CFAP44: variants seen among roughly 807,000 people sequenced by gnomAD.
The protein encoded by CFAP44 is cilia and flagella associated protein 44, also known as cilia- and flagella-associated protein 44.
A neutral mutation model predicts 216.2 loss-of-function variants in CFAP44; 134 were observed. The observed-to-expected ratio is 0.62, with a 90% CI of 0.54 to 0.72. The LOEUF (loss-of-function observed/expected upper bound fraction) is 0.72, where lower values mean the gene tolerates loss of function less well. Ranked by LOEUF, CFAP44 falls within the 30% of genes least tolerant of loss-of-function variation. The probability of loss-of-function intolerance (pLI) is 0.00; values close to 1 mark genes in which losing one functional copy is unlikely to be tolerated. For missense variants in CFAP44, 2,035 were observed against 2,182.1 expected (o/e 0.93, Z 1.34); for synonymous variants, 700 against 727.6 (o/e 0.96, Z 0.61).
At chr3:113,322,303 T>C (rs1400817674) in intron 28 of CFAP44, among the ~76,000 whole-genome samples, 4 of 152,154 alleles carry the variant, frequency 2.6e-5, no homozygotes, top group African/African-American at 9.6e-5. Flanking sequence ...GGTGTTGGGA[T>C]AACTGGCTAG....
intron 24 of CFAP44, among the ~76,000 whole-genome samples, chr3:113,340,713 GCT>G (rs1447637024): frequency 1.3e-5 from 2 of 152,350 alleles, no homozygotes; most frequent in Admixed American, 1.3e-4. Context: ...CTTACAGGAT[GCT>G]CTCTTAGCTT....
At chr3:113,391,406 G>A (rs1028762389) in intron 15 of CFAP44, among the ~76,000 whole-genome samples, 1 of 151,962 alleles carries the variant, frequency 6.6e-6, no homozygotes, top group African/African-American at 2.4e-5. Context: ...AAAACATTGG[G>A]GAAACTCTCC....
rs191909418 is a variant in CFAP44 at position 113,343,474 on chromosome 3, T to A, written c.3262+1042A>T. On this transcript the variant is annotated intron_variant, in intron 23 of 34. Coordinates refer to ENST00000393845, the MANE Select transcript of CFAP44 (RefSeq NM_001164496.2). ...AGTTATAAATAACCATTTCATCATATTTCATATTTCAAATTTCAAATATAT... is the reference window on the plus strand; with the variant it reads ...AGTTATAAATAACCATTTCATCATAATTCATATTTCAAATTTCAAATATAT... Among the ~76,000 whole-genome samples the A allele has an allele frequency of 2.0e-3, 304 of 152,320 alleles. 2 individuals carry two copies. Among genetic ancestry groups the A allele is most frequent in the African/African-American group, 7.1e-3 (294 of 41,572 alleles).
intron 28 of CFAP44, among the ~76,000 whole-genome samples, chr3:113,326,201 T>C (rs995370411): frequency 6.6e-6 from 1 of 152,210 alleles, no homozygotes; most frequent in Non-Finnish European, 1.5e-5. Context: ...TAAACTACAC[T>C]ATGCTCACTC....
At chr3:113,312,361 G>GT (rs1950048326) in intron 28 of CFAP44, among the ~76,000 whole-genome samples, 1 of 151,508 alleles carries the variant, frequency 6.6e-6, no homozygotes. Context: ...GGGATTACAG[G>GT]TATGAGCCAC....
At chr3:113,356,509 G>A (rs994169028) in intron 22 of CFAP44, among the ~76,000 whole-genome samples, 20 of 152,162 alleles carry the variant, frequency 1.3e-4, no homozygotes, top group African/African-American at 2.2e-4. Flanking sequence ...ATAGGCCAAT[G>A]AGATAGAATA....
chr3:113,308,308 A>G, intron 28 of CFAP44, 40 bp from the exon 29 acceptor site: 1 of 1,414,266 alleles, frequency 7.1e-7, no homozygotes, highest in Non-Finnish European at 9.4e-7. Context: ...AGAAGCTTCT[A>G]TATTAAACTA....
At chr3:113,379,027 G>A (rs1441095898) in intron 17 of CFAP44, among the ~76,000 whole-genome samples, 1 of 152,016 alleles carries the variant, frequency 6.6e-6, no homozygotes, top group African/African-American at 2.4e-5. Flanking sequence ...ATGTATGATT[G>A]ACAAGCAGAT....
In CFAP44 at chr3:113,363,254, C is replaced by T. The variant is rs764605360; in HGVS notation, c.2825G>A (p.Gly942Glu). ...CTCTCTCTTCCGTGCCTTTATTTCT[C>T]CCACTTCTTTCATTAACTTGTCATG... ...REHDKLMKEV[G>E]EIKARKREQI... Residue 942 changes from glycine to glutamate, a missense_variant, in exon 21 of 35, where the codon GGA (glycine) becomes GAA (glutamate). This residue lies in a region of CFAP44 where 1,883 missense variants were observed against 2,023.7 expected (regional missense o/e 0.93). Transcript: ENST00000393845. 5.0e-6 allele frequency: 8 copies of T among 1,612,816 alleles called. No homozygotes were observed. Among genetic ancestry groups the T allele is most frequent in the Non-Finnish European group, 5.9e-6 (7 of 1,179,624 alleles).
chr3:113,330,605 C>T lies in CFAP44; in HGVS notation c.3679G>A (p.Val1227Ile). Residue 1227 changes from valine to isoleucine, a missense_variant, in exon 26 of 35, where the codon GTT becomes ATT. Coordinates refer to ENST00000393845, the MANE Select transcript of CFAP44 (RefSeq NM_001164496.2). ...ILSLRDLKVAVVEEIQCLVQE... is the reference protein window; with the variant it reads ...ILSLRDLKVAIVEEIQCLVQE... ...ACCAGGCACTGTATTTCCTCAACAA[C>T]AGCCACTTTAAGGTCTCTAAGAGAG... 6.5e-7 allele frequency: 1 copy of T among 1,537,282 alleles called. No individual in the cohort carries two copies. The highest frequency in any genetic ancestry group is 8.7e-7 in the Non-Finnish European group (1 of 1,146,888).
chr3:113,428,755 G>A (rs370412863), intron 2 of CFAP44: 14 of 152,408 alleles, frequency 9.2e-5, no homozygotes, highest in African/African-American at 3.4e-4. Flanking sequence ...ATGGGTGCAG[G>A]AGGAAGCAAA....
chr3:113,357,473 G>A (rs1950501789), intron 22 of CFAP44, among the ~76,000 whole-genome samples: 1 of 152,182 alleles, frequency 6.6e-6, no homozygotes, highest in African/African-American at 2.4e-5. Flanking sequence ...AGGATTTGGA[G>A]AGATGGATTC....
chr3:113,375,608 G>T (rs578191818), intron 17 of CFAP44, among the ~76,000 whole-genome samples: 1 of 152,236 alleles, frequency 6.6e-6, no homozygotes, highest in African/African-American at 2.4e-5. Context: ...AAACTGAAGA[G>T]ATATGTTGAA....
rs76190194 is a variant in CFAP44 at position 113,297,754 on chromosome 3, A to G, written c.5078-869T>C. On this transcript the variant is annotated intron_variant, in intron 32 of 34. Coordinates refer to ENST00000393845, the MANE Select transcript of CFAP44 (RefSeq NM_001164496.2). ...GTGAGAACACTAGAACACCTCTCCA[A>G]GAAAACATAATCTTGTAACAGGACT... Among the ~76,000 whole-genome samples the G allele has an allele frequency of 3.5e-4, 54 of 152,352 alleles. 1 individual carries two copies. In the East Asian group the frequency reaches 9.1e-3, roughly 26 times the overall value.
At chr3:113,362,982 C>T (rs1371864684) in intron 21 of CFAP44, 163 bp downstream of exon 21, 9 of 1,372,636 alleles carry the variant, frequency 6.6e-6, no homozygotes, top group African/African-American at 1.5e-5. Flanking sequence ...ATAAACCCCA[C>T]ATACAAATTA....
In CFAP44 at chr3:113,326,649, A is replaced by T; in HGVS notation, c.4321-9T>A. On this transcript the variant is annotated splice_polypyrimidine_tract_variant and intron_variant, in intron 27 of 34. Transcript: ENST00000393845. ...GTTTCATTTATTTTCCACTAAATGA[A>T]TAAAAACAAGGACAAATGATAAATA... 1 of 1,455,292 alleles carries T rather than the reference A, an allele frequency of 6.9e-7. No individual in the cohort carries two copies. 90.1% of individuals were successfully genotyped at this position (1,455,292 alleles called of 1,614,324 possible). A position where few individuals can be genotyped will look rare whatever the true frequency, so the allele number is the denominator to read the frequency against.
At chr3:113,397,730 G>A (rs1301789935) in intron 13 of CFAP44, among the ~76,000 whole-genome samples, 2 of 152,176 alleles carry the variant, frequency 1.3e-5, no homozygotes, top group African/African-American at 2.4e-5. Context: ...ATGAAGCAGA[G>A]GGAGGAGTCA....
At chr3:113,360,523 C>T in intron 21 of CFAP44, 1 of 221,028 alleles carries the variant, frequency 4.5e-6, no homozygotes, top group South Asian at 8.5e-5. Context: ...AGACATGATC[C>T]TCATCTTTTA....
At chr3:113,435,735 T>TAAA (rs11434499) in intron 1 of CFAP44, among the ~76,000 whole-genome samples, 11 of 141,140 alleles carry the variant, frequency 7.8e-5, no homozygotes, top group East Asian at 2.1e-4. Context: ...CTTCTAAAAT[T>TAAA]AAAAAAAAAA....
Sources: gnomAD v4.1 joint callset for allele counts (sites outside exome capture counted in the v4.1 genomes callset) on GRCh38, gnomAD v4.1.1 for gene constraint, gnomAD v4.1.1 regional missense constraint, MANE v1.5 for transcripts, NCBI Gene and HGNC (gene_info 2026-07-23, HGNC 2026-07-21) for gene names.